Variants in VPS53 observed in about 807,000 individuals in gnomAD.
The protein encoded by VPS53 is vacuolar protein sorting-associated protein 53 homolog.
A neutral mutation model predicts 107.0 loss-of-function variants in VPS53; 70 were observed. That is an observed-to-expected ratio of 0.65 (90% CI 0.54 to 0.80). The LOEUF (loss-of-function observed/expected upper bound fraction) is 0.80, where lower values mean the gene tolerates loss of function less well. Ranked by LOEUF, VPS53 falls within the 30% of genes least tolerant of loss-of-function variation. The pLI, the probability that VPS53 is intolerant of heterozygous loss-of-function variation, is 0.00. For synonymous variants in VPS53, 409 were observed against 393.3 expected, an observed-to-expected ratio of 1.04 and a Z score of -0.47; for missense variants, 917 against 1,049.4, an observed-to-expected ratio of 0.87 and a Z score of 1.74.
chr17:640,443 C>T (rs1215731626), intron 7 of VPS53, among the ~76,000 whole-genome samples: 1 of 152,132 alleles, frequency 6.6e-6, no homozygotes, highest in East Asian at 1.9e-4. Flanking sequence ...ATGAGATGAA[C>T]CTGGTAACTC....
chr17:595,903 AG>A (rs1343283765), intron 12 of VPS53, among the ~76,000 whole-genome samples: 3 of 128,864 alleles, frequency 2.3e-5, no homozygotes, highest in Admixed American at 7.5e-5. Context: ...GTCCCCCTGG[AG>A]GAAGCTGGGA....
intron 5 of VPS53, 48 bp downstream of exon 5, chr17:661,760 CT>C (rs1244932991): frequency 8.6e-6 from 13 of 1,518,840 alleles, no homozygotes; most frequent in Non-Finnish European, 1.2e-5. Flanking sequence ...AGATGAGAAG[CT>C]CACTTCCTCT....
chr17:543,418 A>T (rs1910861742), intron 17 of VPS53, among the ~76,000 whole-genome samples: 1 of 152,144 alleles, frequency 6.6e-6, no homozygotes, highest in Non-Finnish European at 1.5e-5. Context: ...TAATTTATTC[A>T]GTTTCTGTTT....
chr17:657,547 T>G, intron 5 of VPS53: 1 of 1,157,804 alleles, frequency 8.6e-7, no homozygotes, highest in Non-Finnish European at 1.3e-6. Flanking sequence ...CCACGAGCCA[T>G]GGCTGCATTA....
intron 13 of VPS53, among the ~76,000 whole-genome samples, chr17:571,719 T>A (rs1597320394): frequency 6.6e-6 from 1 of 152,244 alleles, no homozygotes; most frequent in South Asian, 2.1e-4. Context: ...GTTTTCGTAT[T>A]TTTTTGGTGG....
chr17:654,467 G>A (rs776951252), intron 6 of VPS53, among the ~76,000 whole-genome samples: 84 of 152,092 alleles, frequency 5.5e-4, no homozygotes, highest in Non-Finnish European at 7.6e-4. Context: ...GGCCGGGCGC[G>A]GTGGCTCAAG....
rs200594402 is a variant in VPS53, at chr17:562,543, G to A, written c.1516C>T (p.Arg506Ter). Reference sequence around the variant, plus strand: ...GAGAGGATTTTCCAGGCGTATTCTCGGAGGTACTTCTGGAAAATGGTGGTC... The same window carrying A: ...GAGAGGATTTTCCAGGCGTATTCTCAGAGGTACTTCTGGAAAATGGTGGTC... ...ALTTIFQKYL[R>*]EYAWKILSGN... Residue 506 changes from arginine (R) to a stop codon, truncating the protein, a stop_gained, in exon 14 of 22, where the codon CGA becomes TGA. Transcript: ENST00000437048. LOFTEE classifies it high-confidence loss of function. The A allele has an allele frequency of 3.1e-6, 5 of 1,614,016 alleles. No homozygotes were observed. The highest frequency in any genetic ancestry group is 4.2e-6 in the Non-Finnish European group (5 of 1,180,010).
At chr17:643,404 C>A (rs1188063225) in intron 7 of VPS53, among the ~76,000 whole-genome samples, 1 of 150,742 alleles carries the variant, frequency 6.6e-6, no homozygotes, top group Non-Finnish European at 1.5e-5. Context: ...GGACAATACT[C>A]ATACTTGGAA....
chr17:681,459 G>A (rs181900736), intron 4 of VPS53, among the ~76,000 whole-genome samples: 53 of 152,282 alleles, frequency 3.5e-4, no homozygotes, highest in African/African-American at 1.2e-3. Flanking sequence ...CTTGAGAAGC[G>A]TGGCACTGCT....
At chr17:692,136 A>AGG (rs1972796621) in intron 4 of VPS53, among the ~76,000 whole-genome samples, 2 of 152,156 alleles carry the variant, frequency 1.3e-5, no homozygotes, top group Non-Finnish European at 2.9e-5. Flanking sequence ...CTTACTGACG[A>AGG]CCGGTCAACG....
intron 11 of VPS53, among the ~76,000 whole-genome samples, chr17:605,896 G>T (rs114912980): frequency 4.6e-5 from 7 of 152,106 alleles, no homozygotes; most frequent in African/African-American, 1.7e-4. Flanking sequence ...ACTGCAATTG[G>T]GCAGTCGCTG....
intron 13 of VPS53, among the ~76,000 whole-genome samples, chr17:578,040 A>T (rs907996422): frequency 6.6e-6 from 1 of 151,516 alleles, no homozygotes; most frequent in Non-Finnish European, 1.5e-5. Flanking sequence ...TAGGACCTCA[A>T]TGCGTTTTCA....
chr17:542,703 C>T (rs963843792), intron 17 of VPS53, among the ~76,000 whole-genome samples: 15 of 151,964 alleles, frequency 9.9e-5, no homozygotes, highest in South Asian at 2.1e-4. Context: ...TCTGACCGGG[C>T]GCGATGGCAA....
intron 12 of VPS53, among the ~76,000 whole-genome samples, chr17:586,592 T>G (rs1200706152): frequency 6.6e-6 from 1 of 152,244 alleles, no homozygotes; most frequent in East Asian, 1.9e-4. Flanking sequence ...GCTACCTGGA[T>G]AACATATGTG....
chr17:525,937 C>G (rs1299589297), intron 19 of VPS53, among the ~76,000 whole-genome samples: 2 of 134,730 alleles, frequency 1.5e-5, no homozygotes, highest in African/African-American at 5.7e-5. Flanking sequence ...GTGAAGGTTG[C>G]AGTGAGCCGA....
intron 17 of VPS53, chr17:538,186 C>T (rs1489945718): frequency 6.6e-6 from 1 of 152,284 alleles, no homozygotes; most frequent in Non-Finnish European, 1.5e-5. Flanking sequence ...TGCAGTGTGC[C>T]ATCCCCCAAG....
intron 8 of VPS53, 58 bp downstream of exon 8, chr17:631,492 C>T (rs376500899): frequency 8.4e-6 from 13 of 1,551,300 alleles, no homozygotes; most frequent in African/African-American, 8.2e-5. Flanking sequence ...CTGGGGTGAG[C>T]GTGAGCTCGG....
At position 684,769 on chromosome 17, in the gene VPS53, C is replaced by T. The variant is rs546388734; in HGVS notation, c.285+12649G>A. On this transcript the variant is annotated intron_variant, in intron 4 of 21. Coordinates refer to ENST00000437048, the MANE Select transcript of VPS53 (RefSeq NM_001128159.3). ...TGGGAGGCCGAGGCGAGTGAATCAC[C>T]GAGGTCAGGAGTTCGAGACCAGCCT... is the stretch of plus-strand genomic sequence containing the variant. Among the ~76,000 whole-genome samples the T allele has an allele frequency of 8.6e-5, 13 of 151,938 alleles. No homozygotes were observed. The South Asian group carries it at 2.3e-3, about 27-fold the overall frequency.
At chr17:612,174 T>C (rs1007220368) in intron 11 of VPS53, among the ~76,000 whole-genome samples, 9 of 137,792 alleles carry the variant, frequency 6.5e-5, no homozygotes, top group African/African-American at 2.5e-4. Context: ...ATATTCATAG[T>C]GAGTTCACAC....
Sources: allele counts gnomAD v4.1 joint callset (sites outside exome capture counted in the v4.1 genomes callset), GRCh38; gene constraint gnomAD v4.1.1; transcripts MANE v1.5; gene names NCBI Gene and HGNC (gene_info 2026-07-23, HGNC 2026-07-21).